Variants in SIPA1L3 observed in about 807,000 individuals in gnomAD.
The protein encoded by SIPA1L3 is signal-induced proliferation-associated 1-like protein 3.
A neutral mutation model predicts 150.1 loss-of-function variants in SIPA1L3; 59 were observed. The observed-to-expected ratio is 0.39, with a 90% CI of 0.32 to 0.49. The LOEUF (loss-of-function observed/expected upper bound fraction) is 0.49, where lower values mean the gene tolerates loss of function less well. SIPA1L3 is among the 20% of genes least tolerant of loss of function. The pLI, the probability that SIPA1L3 is intolerant of heterozygous loss-of-function variation, is 0.86. For synonymous variants in SIPA1L3, 1,070 were observed against 1,077.6 expected, an observed-to-expected ratio of 0.99 and a Z score of 0.14; for missense variants, 2,211 against 2,489.5, an observed-to-expected ratio of 0.89 and a Z score of 2.38.
intron 1 of SIPA1L3, among the ~76,000 whole-genome samples, chr19:37,977,540 A>T (rs919290879): frequency 9.2e-5 from 14 of 152,170 alleles, no homozygotes; most frequent in African/African-American, 2.6e-4. Flanking sequence ...CCCAGTTTGG[A>T]TCAGGTGGGT....
intron 1 of SIPA1L3, among the ~76,000 whole-genome samples, chr19:37,972,404 C>T (rs994582657): frequency 5.3e-5 from 8 of 152,066 alleles, no homozygotes; most frequent in East Asian, 3.8e-4. Context: ...TATTTTGAGA[C>T]GTTTGTAAGA....
intron 2 of SIPA1L3, among the ~76,000 whole-genome samples, chr19:38,036,152 C>T (rs1968778820): frequency 6.6e-6 from 1 of 152,114 alleles, no homozygotes; most frequent in Non-Finnish European, 1.5e-5. Flanking sequence ...CCTCTGTGGC[C>T]AGAACGCATG....
intron 2 of SIPA1L3, among the ~76,000 whole-genome samples, chr19:38,071,509 G>A (rs547427618): frequency 3.9e-5 from 6 of 152,248 alleles, no homozygotes; most frequent in African/African-American, 1.2e-4. Context: ...GGCTGATCTC[G>A]AACCTCTGAC....
intron 1 of SIPA1L3, among the ~76,000 whole-genome samples, chr19:38,007,461 AAAAAAG>A (rs1260472189): frequency 1.4e-5 from 2 of 143,824 alleles, no homozygotes; most frequent in Admixed American, 7.1e-5. Flanking sequence ...CAAAAAAAAA[AAAAAAG>A]AAAGAAAAGA....
chr19:38,160,406 CTTT>C (rs1013776043), intron 13 of SIPA1L3, among the ~76,000 whole-genome samples: 1 of 134,896 alleles, frequency 7.4e-6, no homozygotes, highest in Non-Finnish European at 1.6e-5. Context: ...AGCTGCTACT[CTTT>C]TTTTTTTTTT....
chr19:38,204,006 C>A, intron 20 of SIPA1L3, 121 bp from the exon 21 acceptor site: 1 of 741,588 alleles, frequency 1.3e-6, no homozygotes, highest in Non-Finnish European at 2.2e-6. Flanking sequence ...AGCTTCTCCT[C>A]AGGCTTTGCT....
chr19:38,005,109 A>G (rs910192668), intron 1 of SIPA1L3, among the ~76,000 whole-genome samples: 18 of 151,932 alleles, frequency 1.2e-4, no homozygotes, highest in African/African-American at 4.3e-4. Context: ...CCCCCGGCCA[A>G]TCAGCTACAG....
intron 12 of SIPA1L3, 125 bp downstream of exon 12, chr19:38,142,835 GTC>G: frequency 8.2e-7 from 1 of 1,220,232 alleles, no homozygotes; most frequent in East Asian, 2.4e-5. Flanking sequence ...ACCCCTGAAG[GTC>G]CTCAGAGGAG....
chr19:38,097,553 A>G (rs548604626), intron 4 of SIPA1L3, among the ~76,000 whole-genome samples: 2 of 152,054 alleles, frequency 1.3e-5, no homozygotes, highest in East Asian at 1.9e-4. Flanking sequence ...CCTCACATCT[A>G]TGTGTTATGT....
At chr19:37,984,035 T>A (rs1410509324) in intron 1 of SIPA1L3, among the ~76,000 whole-genome samples, 1 of 152,164 alleles carries the variant, frequency 6.6e-6, no homozygotes, top group Non-Finnish European at 1.5e-5. Context: ...AACTATGTGT[T>A]CTTTGTGGGA....
chr19:37,973,587 C>T (rs540229316), intron 1 of SIPA1L3, among the ~76,000 whole-genome samples: 1 of 113,050 alleles, frequency 8.8e-6, no homozygotes, highest in South Asian at 3.2e-4. Context: ...AGCACTAAAA[C>T]GCCTCTCAGC....
intron 10 of SIPA1L3, among the ~76,000 whole-genome samples, chr19:38,132,151 A>G (rs937614374): frequency 2.6e-5 from 4 of 152,036 alleles, no homozygotes; most frequent in African/African-American, 9.7e-5. Flanking sequence ...AGGTGGGAAA[A>G]TCACTTGAGC....
At chr19:38,170,187 G>C (rs987554120) in intron 15 of SIPA1L3, among the ~76,000 whole-genome samples, 6 of 152,186 alleles carry the variant, frequency 3.9e-5, no homozygotes, top group African/African-American at 1.4e-4. Context: ...GGAGGGAAAA[G>C]CAGTCCAGAC....
chr19:38,027,259 G>T (rs918216351), intron 1 of SIPA1L3, among the ~76,000 whole-genome samples: 2 of 152,178 alleles, frequency 1.3e-5, no homozygotes, highest in African/African-American at 2.4e-5. Flanking sequence ...CTGTACTCCA[G>T]CCTGGGCAGT....
At chr19:38,149,712 T>G (rs1012736295) in intron 12 of SIPA1L3, among the ~76,000 whole-genome samples, 16 of 152,168 alleles carry the variant, frequency 1.1e-4, no homozygotes, top group African/African-American at 3.9e-4. Context: ...AGCACACTCA[T>G]GAGGAAGCTT....
rs1397281749 is a variant in SIPA1L3 at position 38,198,450 on chromosome 19, G to C, written c.4902G>C (p.Leu1634=). 1 of 1,604,788 alleles carries C rather than the reference G, an allele frequency of 6.2e-7. No homozygotes were observed. The highest frequency in any genetic ancestry group is 8.5e-7 in the Non-Finnish European group (1 of 1,176,502). ...GGCGGGACCGCCCCCTGCGGCGCCT[G>C]GACCCTGGGCTGATGCCCCTGCCTG... ...ADGRDRPLRR[L]DPGLMPLPDT... The change falls in exon 19 of 22, where the codon CTG becomes CTC. Residue 1634 remains leucine (L), a synonymous_variant. Transcript: ENST00000222345.
Position 38,100,072 on chromosome 19 carries a change from G to A in SIPA1L3, c.1776G>A (p.Glu592=). The change falls in exon 5 of 22, where the codon GAG becomes GAA. Residue 592 remains glutamate (E), a synonymous_variant. Coordinates refer to ENST00000222345, the MANE Select transcript of SIPA1L3 (RefSeq NM_015073.3). ...ATGCCCTGGAGTATGTCATCCCCGA[G>A]CTCAACATCCACTGCCTGCGGCTGG... ...LKDALEYVIP[E]LNIHCLRLAL... is the part of the protein sequence containing the mutation. 1 of 1,612,472 alleles carries A rather than the reference G, an allele frequency of 6.2e-7. No homozygotes were observed. Among genetic ancestry groups the A allele is most frequent in the South Asian group, 1.1e-5 (1 of 90,840 alleles).
chr19:38,098,249 G>T (rs1030022114), intron 4 of SIPA1L3, among the ~76,000 whole-genome samples: 1 of 152,140 alleles, frequency 6.6e-6, no homozygotes, highest in Non-Finnish European at 1.5e-5. Flanking sequence ...AAGTCTGGAC[G>T]TAGGCAGCTG....
chr19:38,196,068 G>T (rs1475232990), intron 18 of SIPA1L3, among the ~76,000 whole-genome samples: 1 of 152,030 alleles, frequency 6.6e-6, no homozygotes, highest in Non-Finnish European at 1.5e-5. Context: ...CCTCAGTGTG[G>T]CCAGGGACCC....
Sources: gnomAD v4.1 joint callset for allele counts (sites outside exome capture counted in the v4.1 genomes callset) on GRCh38, gnomAD v4.1.1 for gene constraint, MANE v1.5 for transcripts, NCBI Gene and HGNC (gene_info 2026-07-23, HGNC 2026-07-21) for gene names.